The following CR1 variants were observed in gnomAD, a reference collection of about 807,000 sequenced individuals.
The protein encoded by CR1 is complement receptor type 1.
In CR1, 116 loss-of-function variants were observed where a neutral mutation model predicts 187.3. The ratio of observed to expected loss-of-function variants is 0.62; its 90% CI spans 0.53 to 0.72. CR1 has a LOEUF of 0.72. CR1 is among the 30% of genes least tolerant of loss of function. The pLI, the probability that CR1 is intolerant of heterozygous loss-of-function variation, is 0.00. For synonymous variants in CR1, 576 were observed against 747.1 expected, an observed-to-expected ratio of 0.77 and a Z score of 3.73; for missense variants, 1,731 against 2,110.7, an observed-to-expected ratio of 0.82 and a Z score of 3.52.
intron 31 of CR1, 36 bp from the exon 32 acceptor site, chr1:207,581,882 G>A: frequency 7.2e-7 from 1 of 1,394,428 alleles, no homozygotes; most frequent in Non-Finnish European, 1.0e-6. Context: ...GAGAGAAATG[G>A]TGCATTCATC....
At chr1:207,630,117 T>C (rs941877030) in intron 45 of CR1, among the ~76,000 whole-genome samples, 1 of 152,216 alleles carries the variant, frequency 6.6e-6, no homozygotes, top group African/African-American at 2.4e-5. Flanking sequence ...AACACATATC[T>C]TCACTATAGG....
At position 207,580,583 on chromosome 1, in the gene CR1, G is replaced by A. The variant is rs751016624; in HGVS notation, c.5186G>A (p.Gly1729Glu). ...RVLFPLNLQL[G>E]AKVSFVCDEG... The stretch of plus-strand genomic sequence containing the variant: ...CTATTTCCACTTAATCTCCAGCTTG[G>A]GGCAAAGGTGTCCTTTGTCTGTGAT... The change falls in exon 31 of 47, where the codon GGG (glycine) becomes GAG (glutamate). Residue 1729 changes from glycine (G) to glutamate (E), a missense_variant. Gly to Glu is a moderately conservative substitution (Grantham distance 98, BLOSUM62 -2). This residue lies in a region of CR1 where 1,312 missense variants were observed against 1,379.6 expected (regional missense o/e 0.95). Coordinates refer to ENST00000367049, the MANE Select transcript of CR1 (RefSeq NM_000651.6). 8 of 1,613,202 alleles carry A rather than the reference G, an allele frequency of 5.0e-6. No individual in the cohort carries two copies. Among genetic ancestry groups the A allele is most frequent in the Non-Finnish European group, 5.9e-6 (7 of 1,179,772 alleles).
chr1:207,630,442 C>A, intron 45 of CR1, 75 bp from the exon 46 acceptor site: 2 of 947,576 alleles, frequency 2.1e-6, no homozygotes, highest in South Asian at 2.2e-5. Flanking sequence ...TTTCAAAATG[C>A]AAATTACTAA....
intron 13 of CR1, among the ~76,000 whole-genome samples, chr1:207,544,791 G>A (rs1660265409): frequency 6.9e-6 from 1 of 144,248 alleles, no homozygotes; most frequent in African/African-American, 2.8e-5. Flanking sequence ...ATGTCAGGTG[G>A]CCGCTGAGAG....
chr1:207,496,300 T>A lies in CR1; in HGVS notation c.33T>A (p.Pro11=). The change falls in exon 1 of 47, where the codon CCT becomes CCA. Residue 11 remains proline (P), a synonymous_variant. Coordinates refer to ENST00000367049, the MANE Select transcript of CR1 (RefSeq NM_000651.6). The stretch of plus-strand genomic sequence containing the variant: ...CCTCTTCTCCAAGAAGCCCGGAGCC[T>A]GTCGGGCCGCCGGCGCCCGGTCTCC... MGASSPRSPE[P]VGPPAPGLPF... 1 of 1,613,742 alleles carries A rather than the reference T, an allele frequency of 6.2e-7. No individual in the cohort carries two copies. Among genetic ancestry groups the A allele is most frequent in the Non-Finnish European group, 8.5e-7 (1 of 1,179,850 alleles).
intron 44 of CR1, 84 bp from the exon 45 acceptor site, chr1:207,622,909 G>T: frequency 3.3e-6 from 3 of 898,518 alleles, no homozygotes; most frequent in Non-Finnish European, 1.7e-6. Context: ...TTGGCAATCT[G>T]TAGTGGGACT....
intron 45 of CR1, among the ~76,000 whole-genome samples, chr1:207,625,494 C>T (rs1317473747): frequency 6.6e-6 from 1 of 152,246 alleles, no homozygotes; most frequent in African/African-American, 2.4e-5. Flanking sequence ...GGGATTGTAA[C>T]TGCCTGATGT....
At chr1:207,576,985 T>C (rs542727752) in intron 28 of CR1, among the ~76,000 whole-genome samples, 3 of 152,160 alleles carry the variant, frequency 2.0e-5, no homozygotes, top group Non-Finnish European at 4.4e-5. Flanking sequence ...GCACAGTGGC[T>C]CATGCCTGTA....
intron 29 of CR1, among the ~76,000 whole-genome samples, 165 bp from the exon 30 acceptor site, chr1:207,580,075 T>C (rs1231783894): frequency 6.6e-6 from 1 of 152,208 alleles, no homozygotes; most frequent in Non-Finnish European, 1.5e-5. Context: ...TAGCCAGAGC[T>C]AGGAGAAAAT....
intron 3 of CR1, among the ~76,000 whole-genome samples, chr1:207,508,155 T>C (rs865983106): frequency 3.9e-5 from 6 of 152,128 alleles, no homozygotes; most frequent in South Asian, 2.1e-4. Flanking sequence ...AGGGGATGAA[T>C]CGGAAGAGCA....
chr1:207,567,860 G>A lies in CR1; in HGVS notation c.3989G>A (p.Gly1330Glu). ...CCAAGTCCTCCAGTTATTCCTAATG[G>A]GAGACACACAGGAAAACCTCTGGAA... Reference protein sequence around the residue: ...FCPSPPVIPNGRHTGKPLEVF... With the variant: ...FCPSPPVIPNERHTGKPLEVF... The change falls in exon 25 of 47, where the codon GGG becomes GAG. Residue 1330 changes from glycine (G) to glutamate (E), a missense_variant. Gly to Glu is a moderately conservative substitution (Grantham distance 98). This residue lies in a region of CR1 where 1,312 missense variants were observed against 1,379.6 expected (regional missense o/e 0.95). Transcript: ENST00000367049. The A allele has an allele frequency of 6.2e-7, 1 of 1,610,908 alleles. No individual in the cohort carries two copies. The highest frequency in any genetic ancestry group is 1.1e-5 in the South Asian group (1 of 91,022).
At chr1:207,522,997 G>A (rs1242412649) in intron 4 of CR1, among the ~76,000 whole-genome samples, 1 of 152,046 alleles carries the variant, frequency 6.6e-6, no homozygotes, top group Non-Finnish European at 1.5e-5. Context: ...GAGTTGGTAA[G>A]CTTCATATCT....
intron 35 of CR1, chr1:207,600,797 C>T (rs1357777270): frequency 6.6e-6 from 1 of 152,104 alleles, no homozygotes; most frequent in African/African-American, 2.4e-5. Context: ...ACTAATTTGT[C>T]CAAATTCATG....
intron 29 of CR1, among the ~76,000 whole-genome samples, chr1:207,579,308 G>C (rs1660862421): frequency 6.6e-6 from 1 of 152,180 alleles, no homozygotes; most frequent in Admixed American, 6.5e-5. Context: ...CAGAGAAGGA[G>C]CTTACGATTC....
chr1:207,619,965 G>A lies in CR1; in HGVS notation c.7152G>A (p.Val2384=). Residue 2384 remains valine (V), a synonymous_variant, in exon 43 of 47, where the codon GTG becomes GTA. Coordinates refer to ENST00000367049, the MANE Select transcript of CR1 (RefSeq NM_000651.6). ...AAGTATATCACTATGGAGATTATGTGACTTTGAAGTGTGAAGATGGGTATA... is the reference window on the plus strand; with the variant it reads ...AAGTATATCACTATGGAGATTATGTAACTTTGAAGTGTGAAGATGGGTATA... The part of the protein sequence containing the change: ...MKKVYHYGDY[V]TLKCEDGYTL... 3 of 1,613,370 alleles carry A rather than the reference G, an allele frequency of 1.9e-6. No individual in the cohort carries two copies. Among genetic ancestry groups the A allele is most frequent in the Non-Finnish European group, 2.5e-6 (3 of 1,179,636 alleles).
Position 207,630,637 on chromosome 1 carries a change from C to G in CR1, c.7457+16C>G, listed in dbSNP as rs1298359572. On this transcript the variant is annotated intron_variant, in intron 46 of 46. Coordinates refer to ENST00000367049, the MANE Select transcript of CR1 (RefSeq NM_000651.6). ...AAAATAGCAGGTACCTATATACATA[C>G]TGAATTCAAAATGTTTTCAACAACT... The G allele has an allele frequency of 7.3e-6, 11 of 1,508,194 alleles. No individual in the cohort carries two copies. The South Asian group carries it at 1.4e-4, about 20-fold the overall frequency. The allele number at this position is 1,508,194 out of a possible 1,614,324, so 93.4% of individuals were successfully genotyped here.
rs767690665 is a variant in CR1, at chr1:207,609,453, C to A, written c.6060C>A (p.Ser2020Arg). The change falls in exon 37 of 47, where the codon AGC becomes AGA. Residue 2020 changes from serine to arginine, a missense_variant. Around this residue, in one of 5 missense-constraint regions of CR1, gnomAD observed 1,312 missense variants for 1,379.6 expected, o/e 0.95. Coordinates refer to ENST00000367049, the MANE Select transcript of CR1 (RefSeq NM_000651.6). ...LVGERSIYCTSKDDQVGVWSS... is the reference protein window; with the variant it reads ...LVGERSIYCTRKDDQVGVWSS... The stretch of plus-strand genomic sequence containing the variant: ...GAGAACGGTCAATATATTGCACCAG[C>A]AAAGATGATCAAGTTGGTGTTTGGA... 16 of 1,613,982 alleles carry A rather than the reference C, an allele frequency of 9.9e-6. No individual in the cohort carries two copies. Among genetic ancestry groups the A allele is most frequent in the African/African-American group, 2.7e-5 (2 of 75,038 alleles).
In CR1 at chr1:207,581,846, G is replaced by T. The variant is rs1357891036; in HGVS notation, c.5217-72G>T. On this transcript the variant is annotated intron_variant, in intron 31 of 46. Transcript: ENST00000367049. Reference sequence around the variant, plus strand: ...AATTAACTTAGGAATTCTCAGGGAGGAGGTTGAGATCTGTCACGAAGGGAA... The same window carrying T: ...AATTAACTTAGGAATTCTCAGGGAGTAGGTTGAGATCTGTCACGAAGGGAA... 3 of 990,612 alleles carry T rather than the reference G, an allele frequency of 3.0e-6. No homozygotes were observed. In the South Asian group the frequency reaches 4.0e-5, roughly 13 times the overall value. The allele number at this position is 990,612 out of a possible 1,614,324, so 61.4% of individuals were successfully genotyped here.
intron 1 of CR1, among the ~76,000 whole-genome samples, chr1:207,504,636 C>A (rs1226740191): frequency 6.6e-6 from 1 of 152,112 alleles, no homozygotes; most frequent in Non-Finnish European, 1.5e-5. Context: ...GAGGAAGCCA[C>A]AGCACAGGCA....
Sources: allele counts gnomAD v4.1 joint callset (sites outside exome capture counted in the v4.1 genomes callset), GRCh38; gene constraint gnomAD v4.1.1; regional missense constraint gnomAD v4.1.1; transcripts MANE v1.5; gene names NCBI Gene and HGNC (gene_info 2026-07-23, HGNC 2026-07-21).